Variants in PIP4K2A observed in about 807,000 individuals in gnomAD.
PIP4K2A encodes phosphatidylinositol-5-phosphate 4-kinase type 2 alpha, also known as phosphatidylinositol 5-phosphate 4-kinase type-2 alpha.
Under a neutral mutation model 42.9 loss-of-function variants are expected in PIP4K2A, and 14 were observed. The observed-to-expected ratio is 0.33, with a 90% CI of 0.22 to 0.51. The LOEUF is 0.51. Ranked by LOEUF, PIP4K2A falls within the 20% of genes least tolerant of loss-of-function variation. The pLI is 0.97. For missense variants in PIP4K2A, 434 were observed against 519.8 expected (o/e 0.83, Z 1.61); for synonymous variants, 192 against 192.2 (o/e 1.00, Z 0.01).
At chr10:22,617,988 A>G (rs919448153) in intron 1 of PIP4K2A, among the ~76,000 whole-genome samples, 2 of 152,226 alleles carry the variant, frequency 1.3e-5, no homozygotes, top group Non-Finnish European at 2.9e-5. Context: ...CCCAACAGGA[A>G]GAAGTGTAAC....
chr10:22,644,166 C>T (rs548403086), intron 1 of PIP4K2A, among the ~76,000 whole-genome samples: 4 of 152,302 alleles, frequency 2.6e-5, no homozygotes, highest in African/African-American at 2.4e-5. Flanking sequence ...GGGACCTCCA[C>T]GCACAGAGTA....
At chr10:22,644,771 G>A (rs1385781476) in intron 1 of PIP4K2A, among the ~76,000 whole-genome samples, 1 of 152,136 alleles carries the variant, frequency 6.6e-6, no homozygotes, top group Non-Finnish European at 1.5e-5. Context: ...TCCCTAGTGT[G>A]TATCTTCTAG....
intron 1 of PIP4K2A, among the ~76,000 whole-genome samples, chr10:22,704,651 G>GA (rs113174364): frequency 0.26 from 16,871 of 63,728 alleles, 1,842 homozygotes; most frequent in African/African-American, 0.35. Flanking sequence ...GACCTCATCT[G>GA]AAAAAAAAAA....
At chr10:22,594,210 C>A (rs1449668217) in intron 3 of PIP4K2A, among the ~76,000 whole-genome samples, 1 of 152,144 alleles carries the variant, frequency 6.6e-6, no homozygotes, top group Non-Finnish European at 1.5e-5. Context: ...TAAAGTCTAG[C>A]GTATTAAGTA....
intron 1 of PIP4K2A, among the ~76,000 whole-genome samples, chr10:22,675,966 C>A (rs1839549319): frequency 6.6e-6 from 1 of 152,200 alleles, no homozygotes; most frequent in South Asian, 2.1e-4. Flanking sequence ...TATTTCTCAA[C>A]AACCATTAAC....
At chr10:22,557,866 T>C (rs1836590918) in intron 6 of PIP4K2A, among the ~76,000 whole-genome samples, 1 of 152,172 alleles carries the variant, frequency 6.6e-6, no homozygotes, top group African/African-American at 2.4e-5. Context: ...GAGCCAAGTT[T>C]TTATTTTAGT....
chr10:22,555,793 T>C (rs991906660), intron 6 of PIP4K2A, among the ~76,000 whole-genome samples: 7 of 151,770 alleles, frequency 4.6e-5, no homozygotes, highest in Non-Finnish European at 8.8e-5. Flanking sequence ...GTCGGTAATC[T>C]AAACCTGGGG....
At chr10:22,628,290 GT>G (rs1838487304) in intron 1 of PIP4K2A, among the ~76,000 whole-genome samples, 1 of 152,138 alleles carries the variant, frequency 6.6e-6, no homozygotes, top group African/African-American at 2.4e-5. Context: ...GAAGTTGTTT[GT>G]TTTTGTAAAT....
At chr10:22,621,243 G>A (rs956473808) in intron 1 of PIP4K2A, among the ~76,000 whole-genome samples, 8 of 152,140 alleles carry the variant, frequency 5.3e-5, no homozygotes, top group African/African-American at 7.2e-5. Flanking sequence ...AATCCCCTAA[G>A]CTAGAGGAAG....
chr10:22,579,253 C>T (rs921174797), intron 4 of PIP4K2A, among the ~76,000 whole-genome samples: 1 of 152,150 alleles, frequency 6.6e-6, no homozygotes, highest in African/African-American at 2.4e-5. Flanking sequence ...CTGTACCACG[C>T]AATGTATCCT....
intron 1 of PIP4K2A, among the ~76,000 whole-genome samples, chr10:22,654,350 T>C (rs1355725640): frequency 6.6e-6 from 1 of 152,136 alleles, no homozygotes; most frequent in Non-Finnish European, 1.5e-5. Flanking sequence ...CAGCTCTCAC[T>C]TTCCAAGAAT....
chr10:22,701,859 G>C (rs933635521), intron 1 of PIP4K2A, among the ~76,000 whole-genome samples: 1 of 152,218 alleles, frequency 6.6e-6, no homozygotes, highest in African/African-American at 2.4e-5. Context: ...TAAGGGCTTT[G>C]ATGGCCTCAT....
intron 3 of PIP4K2A, among the ~76,000 whole-genome samples, chr10:22,597,614 T>C (rs1837662693): frequency 1.3e-5 from 2 of 151,884 alleles, no homozygotes; most frequent in Non-Finnish European, 2.9e-5. Context: ...TTACTCTATA[T>C]TCTATATGCA....
chr10:22,552,549 G>C (rs1244546497), intron 6 of PIP4K2A, among the ~76,000 whole-genome samples: 1 of 152,006 alleles, frequency 6.6e-6, no homozygotes, highest in African/African-American at 2.4e-5. Context: ...TAGATTATAA[G>C]GTTTCTCTCC....
chr10:22,712,639 C>G (rs529031276), intron 1 of PIP4K2A, among the ~76,000 whole-genome samples: 1 of 152,294 alleles, frequency 6.6e-6, no homozygotes, highest in Non-Finnish European at 1.5e-5. Flanking sequence ...CGTAATAAAA[C>G]TTGAGAGAGG....
In PIP4K2A at chr10:22,536,841, C is replaced by CTCAT. The variant is rs902301371; in HGVS notation, c.*356_*359dup. The stretch of plus-strand genomic sequence containing the variant: ...GTTCATTCACTCACTCACTCACTCA[C>CTCAT]TCATTCATTCGGCCATAGCTGGAAT... On this transcript the variant is annotated 3_prime_UTR_variant, in exon 10 of 10. Transcript: ENST00000376573. 1.6e-3 allele frequency: 262 copies of CTCAT among 168,628 alleles called. 1 individual carries two copies. The highest frequency in any genetic ancestry group is 5.7e-3 in the African/African-American group (230 of 40,032). 10.4% of individuals were successfully genotyped at this position (168,628 alleles called of 1,614,324 possible). A position where few individuals can be genotyped will look rare whatever the true frequency, so the allele number is the denominator to read the frequency against.
At chr10:22,597,777 A>G (rs1837666101) in intron 3 of PIP4K2A, among the ~76,000 whole-genome samples, 1 of 151,986 alleles carries the variant, frequency 6.6e-6, no homozygotes, top group African/African-American at 2.4e-5. Context: ...CTTCTCAATC[A>G]CCTAATTTAA....
intron 7 of PIP4K2A, among the ~76,000 whole-genome samples, chr10:22,547,978 C>T (rs976798493): frequency 1.3e-5 from 2 of 152,182 alleles, no homozygotes; most frequent in Non-Finnish European, 2.9e-5. Context: ...CTGTAATACA[C>T]TCAGATCTCC....
chr10:22,710,051 A>T lies in PIP4K2A; in HGVS notation c.144+4132T>A, dbSNP rs539927742. On this transcript the variant is annotated intron_variant, in intron 1 of 9. Coordinates refer to ENST00000376573, the MANE Select transcript of PIP4K2A (RefSeq NM_005028.5). ...TTATCTTCTTTCAGTGCCCAAATAA[A>T]AACCCATGAACCAAAAAAAAAAAAA... Among the ~76,000 whole-genome samples the T allele has an allele frequency of 6.1e-5, 9 of 147,458 alleles. No individual in the cohort carries two copies. In the East Asian group the frequency reaches 1.7e-3, roughly 28 times the overall value.
Sources: allele counts gnomAD v4.1 joint callset (sites outside exome capture counted in the v4.1 genomes callset), GRCh38; gene constraint gnomAD v4.1.1; transcripts MANE v1.5; gene names NCBI Gene and HGNC (gene_info 2026-07-23, HGNC 2026-07-21).